The following WDPCP variants were observed in gnomAD, a reference collection of about 807,000 sequenced individuals.
The protein encoded by WDPCP is WD repeat-containing and planar cell polarity effector protein fritz homolog.
Under a neutral mutation model 93.1 loss-of-function variants are expected in WDPCP, and 71 were observed. The observed-to-expected ratio is 0.76, with a 90% CI of 0.63 to 0.93. The LOEUF is 0.93. WDPCP is among the 40% of genes least tolerant of loss of function. The pLI is 0.00. For missense variants in WDPCP, 844 were observed against 887.4 expected (o/e 0.95, Z 0.62); for synonymous variants, 315 against 315.0 (o/e 1.00, Z 0.00).
intron 3 of WDPCP, chr2:63,597,275 A>AT (rs1255391216): frequency 2.4e-6 from 3 of 1,246,292 alleles, no homozygotes; most frequent in Non-Finnish European, 3.0e-6. Flanking sequence ...CCTGAAATGT[A>AT]TATCAGTGTG....
chr2:63,832,037 T>C (rs1671210135), upstream of WDPCP, among the ~76,000 whole-genome samples: 1 of 152,222 alleles, frequency 6.6e-6, no homozygotes, highest in Non-Finnish European at 1.5e-5. Flanking sequence ...ATGAATTAAC[T>C]TTTACTATGT....
chr2:63,528,350 C>G (rs950369800), intron 1 of WDPCP, among the ~76,000 whole-genome samples: 3 of 152,098 alleles, frequency 2.0e-5, no homozygotes, highest in African/African-American at 4.8e-5. Flanking sequence ...ATGGTTTTAG[C>G]TCTAACATTT....
chr2:63,508,742 T>C (rs753515574), intron 1 of WDPCP, among the ~76,000 whole-genome samples: 2 of 152,158 alleles, frequency 1.3e-5, no homozygotes, highest in Non-Finnish European at 2.9e-5. Context: ...CAGGAATATT[T>C]ACCAAGCAAA....
intron 12 of WDPCP, among the ~76,000 whole-genome samples, chr2:63,360,925 C>A (rs1690398453): frequency 6.6e-6 from 1 of 152,160 alleles, no homozygotes; most frequent in East Asian, 1.9e-4. Context: ...TAAGTCACGG[C>A]TCTAATTTAA....
At chr2:63,577,255 G>A (rs1708177118) in intron 1 of WDPCP, among the ~76,000 whole-genome samples, 2 of 152,120 alleles carry the variant, frequency 1.3e-5, no homozygotes, top group South Asian at 4.1e-4. Flanking sequence ...AGTTCTGGCT[G>A]GCCTGGGCTT....
intron 12 of WDPCP, among the ~76,000 whole-genome samples, chr2:63,314,969 A>G (rs1686521108): frequency 6.6e-6 from 1 of 152,210 alleles, no homozygotes; most frequent in African/African-American, 2.4e-5. Flanking sequence ...TAGACAGTAG[A>G]TGGTAATGAT....
chr2:63,621,817 G>C (rs1204763457), intron 3 of WDPCP, among the ~76,000 whole-genome samples: 1 of 152,084 alleles, frequency 6.6e-6, no homozygotes, highest in Non-Finnish European at 1.5e-5. Context: ...CAGACTACCA[G>C]TGGATCTGCT....
rs766032695 is a variant in WDPCP, at chr2:63,404,514, C to A, written c.969G>T (p.Arg323=). The A allele has an allele frequency of 2.5e-5, 41 of 1,613,812 alleles. No individual in the cohort carries two copies. Among genetic ancestry groups the A allele is most frequent in the Non-Finnish European group, 3.5e-5 (41 of 1,179,768 alleles). The change falls in exon 10 of 18, where the codon CGG becomes CGT. Residue 323 remains arginine, a synonymous_variant. Transcript: ENST00000272321. ...TGACTGACACACACTGGATTTTATT[C>A]CGAATGCATTCATAGATGCAGCTGT... ...MADSCIYECI[R]NKIQCVSVTR... is the part of the protein sequence containing the mutation.
intron 14 of WDPCP, among the ~76,000 whole-genome samples, chr2:63,238,737 G>A (rs1437863386): frequency 6.6e-6 from 1 of 152,130 alleles, no homozygotes; most frequent in Non-Finnish European, 1.5e-5. Context: ...ATATGTGAAA[G>A]TAAAAAATTT....
intron 2 of WDPCP, among the ~76,000 whole-genome samples, chr2:63,790,176 A>G (rs1670526219): frequency 6.6e-6 from 1 of 152,146 alleles, no homozygotes; most frequent in Admixed American, 6.6e-5. Flanking sequence ...CCATCAGACC[A>G]GGTGGGATCA....
At chr2:63,493,063 T>A in intron 1 of WDPCP, 123 bp from the exon 2 acceptor site, 1 of 842,308 alleles carries the variant, frequency 1.2e-6, no homozygotes, top group Non-Finnish European at 1.9e-6. Flanking sequence ...ATATGGCCCA[T>A]TAGAATAAAC....
At chr2:63,440,532 A>C (rs1697440442) in intron 6 of WDPCP, 1 of 152,308 alleles carries the variant, frequency 6.6e-6, no homozygotes, top group Non-Finnish European at 1.5e-5. Flanking sequence ...GTGTTCACAA[A>C]ACCACTCAAC....
At chr2:63,512,457 C>T (rs1702293757) in intron 1 of WDPCP, among the ~76,000 whole-genome samples, 1 of 152,192 alleles carries the variant, frequency 6.6e-6, no homozygotes, top group Admixed American at 6.5e-5. Context: ...TTTATTGCAG[C>T]ACTATTCACA....
At chr2:63,515,987 T>C (rs1702527901) in intron 1 of WDPCP, among the ~76,000 whole-genome samples, 1 of 149,046 alleles carries the variant, frequency 6.7e-6, no homozygotes, top group African/African-American at 2.5e-5. Flanking sequence ...GCTATTGCAC[T>C]CCAGCCTGTG....
intron 2 of WDPCP, among the ~76,000 whole-genome samples, chr2:63,724,693 T>C (rs1272142015): frequency 6.6e-6 from 1 of 152,162 alleles, no homozygotes; most frequent in Non-Finnish European, 1.5e-5. Flanking sequence ...GAAACCCAAA[T>C]GGAAAAGTGG....
intron 2 of WDPCP, among the ~76,000 whole-genome samples, chr2:63,657,632 G>T (rs1710184357): frequency 6.6e-6 from 1 of 152,170 alleles, no homozygotes; most frequent in Admixed American, 6.5e-5. Context: ...AATGTAGGTG[G>T]TGCAGGTGGT....
intron 3 of WDPCP, among the ~76,000 whole-genome samples, chr2:63,620,127 G>GT (rs1245284068): frequency 1.3e-5 from 2 of 152,076 alleles, no homozygotes; most frequent in East Asian, 1.9e-4. Context: ...AGCTGCAGGA[G>GT]TTTTTTTTCC....
intron 3 of WDPCP, among the ~76,000 whole-genome samples, chr2:63,638,410 A>G (rs1187142378): frequency 6.6e-6 from 1 of 152,182 alleles, no homozygotes; most frequent in East Asian, 1.9e-4. Flanking sequence ...TAATCATTTC[A>G]CAATCTATAC....
At chr2:63,213,375 T>A (rs988005953) in intron 14 of WDPCP, among the ~76,000 whole-genome samples, 1 of 152,206 alleles carries the variant, frequency 6.6e-6, no homozygotes, top group Non-Finnish European at 1.5e-5. Context: ...GAATGACTAC[T>A]GGGTATATAA....
Sources: allele counts gnomAD v4.1 joint callset (sites outside exome capture counted in the v4.1 genomes callset), GRCh38; gene constraint gnomAD v4.1.1; transcripts MANE v1.5; gene names NCBI Gene and HGNC (gene_info 2026-07-23, HGNC 2026-07-21).